LAMC1: variants seen among roughly 807,000 people sequenced by gnomAD.
LAMC1 encodes the protein laminin subunit gamma-1.
Under a neutral mutation model 173.6 loss-of-function variants are expected in LAMC1, and 38 were observed. The ratio of observed to expected loss-of-function variants is 0.22; its 90% CI spans 0.17 to 0.29. LAMC1 has a LOEUF of 0.29. LAMC1 is among the 10% of genes least tolerant of loss of function. LAMC1 has a pLI of 1.00. For missense variants in LAMC1, 1,824 were observed against 2,051.8 expected, an observed-to-expected ratio of 0.89 and a Z score of 2.14; for synonymous variants, 746 against 749.1, an observed-to-expected ratio of 1.00 and a Z score of 0.07.
chr1:183,125,636 C>A, intron 15 of LAMC1, 86 bp downstream of exon 15: 2 of 1,056,090 alleles, frequency 1.9e-6, no homozygotes, highest in Non-Finnish European at 2.7e-6. Flanking sequence ...TAATAATTGA[C>A]TGTTCAGAAA....
intron 1 of LAMC1, among the ~76,000 whole-genome samples, chr1:183,038,346 C>G (rs961937892): frequency 9.9e-5 from 15 of 152,158 alleles, no homozygotes; most frequent in African/African-American, 3.6e-4. Flanking sequence ...TTTTTAAATG[C>G]CCTTGCTCAG....
At chr1:183,091,240 T>C (rs1655559400) in intron 1 of LAMC1, among the ~76,000 whole-genome samples, 1 of 152,184 alleles carries the variant, frequency 6.6e-6, no homozygotes, top group Admixed American at 6.5e-5. Flanking sequence ...ATTTCTTAGA[T>C]CTGGATTGGA....
intron 1 of LAMC1, among the ~76,000 whole-genome samples, chr1:183,093,925 C>T (rs1295199714): frequency 6.6e-6 from 1 of 152,180 alleles, no homozygotes; most frequent in African/African-American, 2.4e-5. Flanking sequence ...TCTGTCATCC[C>T]TTCTGTAGTC....
chr1:183,118,724 G>GA (rs56773895), intron 11 of LAMC1, among the ~76,000 whole-genome samples: 22,257 of 138,582 alleles, frequency 0.16, 1,769 homozygotes, highest in South Asian at 0.29. Context: ...ATCTGTCTCA[G>GA]AAAAAAAAAA....
chr1:183,138,242 C>T, intron 26 of LAMC1: 2 of 955,018 alleles, frequency 2.1e-6, no homozygotes, highest in Non-Finnish European at 2.5e-6. Flanking sequence ...TTGAAGATGG[C>T]ATTGTCTACC....
rs556149211 is a variant in LAMC1, at chr1:183,071,199, T to A, written c.419-32129T>A. ...TGTGTGTGTTGACAACTTAGGAAAT[T>A]GGTGATTGATGCAGAAAGGAAGACA... On this transcript the variant is annotated intron_variant, in intron 1 of 27. Coordinates refer to ENST00000258341, the MANE Select transcript of LAMC1 (RefSeq NM_002293.4). 7.9e-5 allele frequency among the ~76,000 whole-genome samples: 12 copies of A among 151,924 alleles called. No homozygotes were observed. The East Asian group carries it at 1.9e-3, about 24-fold the overall frequency.
intron 1 of LAMC1, among the ~76,000 whole-genome samples, chr1:183,030,597 A>G (rs1653825505): frequency 6.6e-6 from 1 of 152,184 alleles, no homozygotes; most frequent in South Asian, 2.1e-4. Flanking sequence ...GTAATAGCTA[A>G]TATTAAATGT....
Position 183,144,691 on chromosome 1 carries a change from G to T in LAMC1, c.*1901G>T, listed in dbSNP as rs1657208242. ...GCTGAAGAGGATCTTTGACGCCACA[G>T]TGGGACTAGCCAGGAATGAGGGAGA... is the stretch of plus-strand genomic sequence containing the variant. On this transcript the variant is annotated 3_prime_UTR_variant, in exon 28 of 28. Coordinates refer to ENST00000258341, the MANE Select transcript of LAMC1 (RefSeq NM_002293.4). 6.6e-6 allele frequency: 1 copy of T among 152,250 alleles called. No individual in the cohort carries two copies. Among genetic ancestry groups the T allele is most frequent in the South Asian group, 2.1e-4 (1 of 4,834 alleles). The allele number at this position is 152,250 out of a possible 1,614,324, so 9.4% of individuals were successfully genotyped here. A position where few individuals can be genotyped will look rare whatever the true frequency, so the allele number is the denominator to read the frequency against.
chr1:183,111,604 GAGAA>G (rs1413109277), intron 4 of LAMC1, among the ~76,000 whole-genome samples: 1 of 152,152 alleles, frequency 6.6e-6, no homozygotes, highest in African/African-American at 2.4e-5. Context: ...TGAACAGATA[GAGAA>G]AGAAATCTCA....
chr1:183,114,768 C>T (rs780732108), intron 5 of LAMC1, 49 bp downstream of exon 5: 4 of 1,554,068 alleles, frequency 2.6e-6, no homozygotes, highest in Admixed American at 1.7e-5. Context: ...GTTCCGTGGA[C>T]CCCCGGAAAG....
In LAMC1 at chr1:183,142,528, C is replaced by A; in HGVS notation, c.4574-6C>A. On this transcript the variant is annotated splice_polypyrimidine_tract_variant and splice_region_variant and intron_variant, in intron 27 of 27. Transcript: ENST00000258341. Reference sequence around the variant, plus strand: ...GTTCTCTTCTATGTACTTTCTGACCCTCCAGGGCAGCTGGATACAGTGGAC... The same window carrying A: ...GTTCTCTTCTATGTACTTTCTGACCATCCAGGGCAGCTGGATACAGTGGAC... 6.2e-7 allele frequency: 1 copy of A among 1,605,166 alleles called. No individual in the cohort carries two copies. Among genetic ancestry groups the A allele is most frequent in the East Asian group, 2.2e-5 (1 of 44,864 alleles).
chr1:183,107,839 G>GA (rs879285263), intron 2 of LAMC1, among the ~76,000 whole-genome samples: 30 of 151,558 alleles, frequency 2.0e-4, no homozygotes, highest in African/African-American at 7.0e-4. Flanking sequence ...CAAAAAAAAA[G>GA]AAAAAAAAGG....
intron 11 of LAMC1, among the ~76,000 whole-genome samples, chr1:183,119,162 G>A (rs1319631121): frequency 2.3e-4 from 35 of 152,076 alleles, no homozygotes; most frequent in Admixed American, 2.3e-3. Flanking sequence ...CTCCCAAAGT[G>A]CTGGGATTAC....
chr1:183,025,613 ATTTTTT>A (rs1653667258), intron 1 of LAMC1, among the ~76,000 whole-genome samples: 1 of 152,152 alleles, frequency 6.6e-6, no homozygotes, highest in Admixed American at 6.5e-5. Flanking sequence ...CTCCTGTTAT[ATTTTTT>A]AAGTTGGCCA....
chr1:183,140,370 AG>A (rs769179011), intron 26 of LAMC1, 33 bp from the exon 27 acceptor site: 13 of 1,295,206 alleles, frequency 1.0e-5, no homozygotes, highest in Non-Finnish European at 1.3e-5. Flanking sequence ...GAAAACATAC[AG>A]TCAAGACTCT....
At chr1:183,073,916 G>A (rs1231697213) in intron 1 of LAMC1, among the ~76,000 whole-genome samples, 1 of 152,144 alleles carries the variant, frequency 6.6e-6, no homozygotes, top group Middle Eastern at 3.2e-3. Context: ...CAACAAAAAA[G>A]TGGCATAGAT....
intron 1 of LAMC1, among the ~76,000 whole-genome samples, chr1:183,036,449 C>T (rs1163181567): frequency 7.3e-6 from 1 of 136,322 alleles, no homozygotes; most frequent in Non-Finnish European, 1.5e-5. Flanking sequence ...GTCACCCAGG[C>T]TGGAGTGCAA....
At chr1:183,139,162 AGTATATTCTTTAG>A (rs1241601283) in intron 26 of LAMC1, among the ~76,000 whole-genome samples, 3 of 152,242 alleles carry the variant, frequency 2.0e-5, no homozygotes, top group Admixed American at 6.5e-5. Flanking sequence ...AAAAGAAAAC[AGTATATTCTTTAG>A]GAGCTTCAAA....
intron 18 of LAMC1, 127 bp downstream of exon 18, chr1:183,128,877 ATCATT>A: frequency 1.5e-6 from 1 of 657,282 alleles, no homozygotes. Flanking sequence ...TAGATTATAA[ATCATT>A]TCATTTTTTA....
Sources: gnomAD v4.1 joint callset for allele counts (sites outside exome capture counted in the v4.1 genomes callset) on GRCh38, gnomAD v4.1.1 for gene constraint, MANE v1.5 for transcripts, NCBI Gene and HGNC (gene_info 2026-07-23, HGNC 2026-07-21) for gene names.